The following FOXJ3 variants were observed in gnomAD, a reference collection of about 807,000 sequenced individuals.
FOXJ3 encodes the protein forkhead box J3, also known as forkhead box protein J3.
In FOXJ3, 22 loss-of-function variants were observed where a neutral mutation model predicts 76.1. The observed-to-expected ratio is 0.29, with a 90% CI of 0.21 to 0.41. The LOEUF is 0.41. Among genes scored for constraint, FOXJ3 ranks in the 10% least tolerant of loss-of-function variants. FOXJ3 has a pLI of 1.00. For missense variants in FOXJ3, 613 were observed against 762.1 expected (o/e 0.80, Z 2.30); for synonymous variants, 269 against 261.2 (o/e 1.03, Z -0.29).
At chr1:42,192,189 G>A (rs1338561410) in intron 8 of FOXJ3, among the ~76,000 whole-genome samples, 1 of 152,074 alleles carries the variant, frequency 6.6e-6, no homozygotes, top group African/African-American at 2.4e-5. Flanking sequence ...ACTAAATCTC[G>A]ACTGGCTAAT....
chr1:42,312,042 A>C (rs1001030265), intron 1 of FOXJ3, among the ~76,000 whole-genome samples: 5 of 152,212 alleles, frequency 3.3e-5, no homozygotes, highest in African/African-American at 7.2e-5. Flanking sequence ...CATACACTGC[A>C]CAAGTGGCGG....
intron 4 of FOXJ3, among the ~76,000 whole-genome samples, chr1:42,258,418 A>T (rs1650774392): frequency 6.6e-6 from 1 of 152,176 alleles, no homozygotes; most frequent in Non-Finnish European, 1.5e-5. Context: ...GAATAGCACC[A>T]CTTTCATTCT....
At chr1:42,279,665 C>T (rs1471285181) in intron 2 of FOXJ3, among the ~76,000 whole-genome samples, 2 of 152,104 alleles carry the variant, frequency 1.3e-5, no homozygotes, top group African/African-American at 4.8e-5. Flanking sequence ...TGACACTTCA[C>T]ATTGGAATTG....
At chr1:42,205,715 T>G (rs561363735) in intron 6 of FOXJ3, 47 bp downstream of exon 6, 2 of 1,036,610 alleles carry the variant, frequency 1.9e-6, no homozygotes, top group East Asian at 2.4e-5. Context: ...GCAAATTAAA[T>G]GTACTACTCA....
chr1:42,190,430 A>C (rs539150644), intron 9 of FOXJ3, among the ~76,000 whole-genome samples: 1 of 152,354 alleles, frequency 6.6e-6, no homozygotes, highest in East Asian at 1.9e-4. Context: ...CCATGAAGCA[A>C]GTCGTAACTT....
At position 42,335,187 on chromosome 1, in the gene FOXJ3, G is replaced by GGCGGCA. The variant is rs1354137698; in HGVS notation, c.-152_-147dup. 2 of 152,124 alleles carry GGCGGCA rather than the reference G, an allele frequency of 1.3e-5. No homozygotes were observed. The highest frequency in any genetic ancestry group is 2.9e-5 in the Non-Finnish European group (2 of 68,058). 9.4% of individuals were successfully genotyped at this position (152,124 alleles called of 1,614,324 possible). A position where few individuals can be genotyped will look rare whatever the true frequency, so the allele number is the denominator to read the frequency against. On this transcript the variant is annotated 5_prime_UTR_variant, in exon 1 of 13. Coordinates refer to ENST00000361346, the MANE Select transcript of FOXJ3 (RefSeq NM_014947.5). ...GGCCCCGAGCAGCCCCGAGAGCGGC[G>GGCGGCA]GCGGCAGCAAGAGCAGCCAACATCC...
chr1:42,244,368 T>C (rs1649374775), intron 4 of FOXJ3, among the ~76,000 whole-genome samples: 1 of 152,084 alleles, frequency 6.6e-6, no homozygotes, highest in African/African-American at 2.4e-5. Flanking sequence ...ATTTAAAAAT[T>C]AGCCTGGCAT....
intron 8 of FOXJ3, among the ~76,000 whole-genome samples, chr1:42,192,065 C>T (rs1380863075): frequency 2.0e-5 from 3 of 152,072 alleles, no homozygotes; most frequent in African/African-American, 7.2e-5. Context: ...TGAACTGAGT[C>T]TTGAAAGATA....
chr1:42,294,268 A>G (rs1451315981), intron 2 of FOXJ3, among the ~76,000 whole-genome samples: 2 of 152,194 alleles, frequency 1.3e-5, no homozygotes, highest in East Asian at 1.9e-4. Context: ...GCTCATACCA[A>G]TGCCCTTTCT....
chr1:42,282,775 T>C (rs754352477), intron 2 of FOXJ3, among the ~76,000 whole-genome samples: 2 of 152,284 alleles, frequency 1.3e-5, no homozygotes, highest in African/African-American at 4.8e-5. Flanking sequence ...ATCCCCTCTT[T>C]CCATCCTCCA....
chr1:42,329,899 T>A (rs373519278), intron 1 of FOXJ3, among the ~76,000 whole-genome samples: 85 of 152,334 alleles, frequency 5.6e-4, no homozygotes, highest in African/African-American at 1.9e-3. Context: ...CGTAACACAG[T>A]AAACAGAACA....
Position 42,278,477 on chromosome 1 carries a change from T to C in FOXJ3, c.240A>G (p.Pro80=), listed in dbSNP as rs750950420. 5 of 1,614,032 alleles carry C rather than the reference T, an allele frequency of 3.1e-6. No individual in the cohort carries two copies. In the Admixed American group the frequency reaches 6.7e-5, roughly 22 times the overall value. The change falls in exon 3 of 13, where the codon CCA becomes CCG. Residue 80 remains proline, a synonymous_variant. Coordinates refer to ENST00000361346, the MANE Select transcript of FOXJ3 (RefSeq NM_014947.5). ...EVQQHKDGKP[P]YSYASLITFA... Reference sequence around the variant, plus strand: ...ATGTAATGAGGCTGGCATAACTGTATGGAGGTTTCCCATCTTTGTGCTGTT... The same window carrying C: ...ATGTAATGAGGCTGGCATAACTGTACGGAGGTTTCCCATCTTTGTGCTGTT...
intron 1 of FOXJ3, among the ~76,000 whole-genome samples, chr1:42,326,796 G>C (rs1016874283): frequency 1.3e-5 from 2 of 152,114 alleles, no homozygotes; most frequent in Non-Finnish European, 2.9e-5. Flanking sequence ...CTCCAAGTAG[G>C]CCAGGTCCTT....
intron 2 of FOXJ3, among the ~76,000 whole-genome samples, chr1:42,288,313 AAC>A (rs555080782): frequency 7.2e-5 from 11 of 152,086 alleles, no homozygotes; most frequent in Admixed American, 5.9e-4. Flanking sequence ...TCCAGTTTAG[AAC>A]ACACACACAC....
intron 3 of FOXJ3, among the ~76,000 whole-genome samples, chr1:42,275,705 A>C (rs1272859201): frequency 6.6e-6 from 1 of 152,176 alleles, no homozygotes; most frequent in Non-Finnish European, 1.5e-5. Flanking sequence ...TAAAAAAAGA[A>C]AGTTGAATGA....
At chr1:42,298,034 A>C (rs772040404) in intron 2 of FOXJ3, among the ~76,000 whole-genome samples, 2 of 152,036 alleles carry the variant, frequency 1.3e-5, no homozygotes, top group South Asian at 4.2e-4. Flanking sequence ...GTTCAGTGGC[A>C]GGTAATTGAA....
rs370528666 is a variant in FOXJ3, at chr1:42,191,562, C to T, written c.1092G>A (p.Ser364=). Residue 364 remains serine, a synonymous_variant, in exon 9 of 13, where the codon TCG becomes TCA. Coordinates refer to ENST00000361346, the MANE Select transcript of FOXJ3 (RefSeq NM_014947.5). ...GGTGAGACAGTGAGACCTGTGCAAC[C>T]GAATTACTGCCTGTGGTGTTGAGGC... ...GSGLNTTGSN[S]VAQVSLSHPQ... 1.6e-5 allele frequency: 26 copies of T among 1,613,874 alleles called. No individual in the cohort carries two copies. Among genetic ancestry groups the T allele is most frequent in the Non-Finnish European group, 2.1e-5 (25 of 1,180,002 alleles).
In FOXJ3 at chr1:42,193,848, A is replaced by G. The variant is rs369593319; in HGVS notation, c.934+1042T>C. On this transcript the variant is annotated intron_variant, in intron 8 of 12. Coordinates refer to ENST00000361346, the MANE Select transcript of FOXJ3 (RefSeq NM_014947.5). ...CAACCCCCAGGTGATGGTATTAAGA[A>G]GTGGGACCTTTAGGAGGTAATTAGG... Among the ~76,000 whole-genome samples, 9 of 152,294 alleles carry G rather than the reference A, an allele frequency of 5.9e-5. No homozygotes were observed. The East Asian group carries it at 1.5e-3, about 26-fold the overall frequency.
At chr1:42,319,691 G>GA in intron 1 of FOXJ3, among the ~76,000 whole-genome samples, 2 of 151,918 alleles carry the variant, frequency 1.3e-5, no homozygotes, top group Middle Eastern at 6.8e-3. Context: ...AAGCAGTTAG[G>GA]AAAAAAAATA....
Sources: allele counts gnomAD v4.1 joint callset (sites outside exome capture counted in the v4.1 genomes callset), GRCh38; gene constraint gnomAD v4.1.1; transcripts MANE v1.5; gene names NCBI Gene and HGNC (gene_info 2026-07-23, HGNC 2026-07-21).